FRK: variants seen among roughly 807,000 people sequenced by gnomAD.
FRK encodes the protein fyn related Src family tyrosine kinase.
FRK carries 51 observed loss-of-function variants against 56.4 expected under a neutral mutation model. The ratio of observed to expected loss-of-function variants is 0.90; its 90% CI spans 0.72 to 1.14. The LOEUF is 1.14. Among genes scored for constraint, FRK ranks in the 50% most tolerant of loss-of-function variants. FRK has a pLI of 0.00. For synonymous variants in FRK, 245 were observed against 217.9 expected, an observed-to-expected ratio of 1.12 and a Z score of -1.10; for missense variants, 570 against 601.4, an observed-to-expected ratio of 0.95 and a Z score of 0.55.
rs1013441079 is a variant in FRK at position 115,933,945 on chromosome 6, T to A, written c.*8469A>T. Reference sequence around the variant, plus strand: ...TAATCTTTAGCTTCACATGACCCATTTAATTTCAAGGTCATCAGGAAAGTT... The same window carrying A: ...TAATCTTTAGCTTCACATGACCCATATAATTTCAAGGTCATCAGGAAAGTT... On this transcript the variant is annotated 3_prime_UTR_variant, in exon 8 of 8. Coordinates refer to ENST00000606080, the MANE Select transcript of FRK (RefSeq NM_002031.3). 6.6e-6 allele frequency: 1 copy of A among 152,104 alleles called. No homozygotes were observed. The highest frequency in any genetic ancestry group is 2.4e-5 in the African/African-American group (1 of 41,412). 9.4% of individuals were successfully genotyped at this position (152,104 alleles called of 1,614,324 possible).
chr6:116,082,342 A>G, the FRK span, among the ~76,000 whole-genome samples: 1 of 152,212 alleles, frequency 6.6e-6, no homozygotes, highest in African/African-American at 2.4e-5. Context: ...AATCTATTTT[A>G]TGCTTAAAGA....
intron 1 of FRK, among the ~76,000 whole-genome samples, chr6:116,053,194 T>C (rs1777242914): frequency 6.6e-6 from 1 of 152,136 alleles, no homozygotes; most frequent in African/African-American, 2.4e-5. Context: ...TCAGTAAAAC[T>C]CCATACACTA....
rs1777582382 is a variant in FRK at position 116,060,343 on chromosome 6, T to A, written c.-32A>T. The A allele has an allele frequency of 6.5e-7, 1 of 1,544,892 alleles. No homozygotes were observed. Among genetic ancestry groups the A allele is most frequent in the Non-Finnish European group, 8.9e-7 (1 of 1,126,436 alleles). On this transcript the variant is annotated 5_prime_UTR_variant, in exon 1 of 8. The change creates a new upstream start codon in the 5' untranslated region. Transcript: ENST00000606080. The stretch of plus-strand genomic sequence containing the variant: ...TTGGTGGGGAGAAGAGGAGCAGGGC[T>A]TCTCCCTCTCCCCTTAGTCTCTGCG...
At position 115,994,329 on chromosome 6, in the gene FRK, C is replaced by G. The variant is rs960115859; in HGVS notation, c.466+9548G>C. Among the ~76,000 whole-genome samples the G allele has an allele frequency of 2.7e-4, 28 of 105,304 alleles. 2 individuals carry two copies. Among genetic ancestry groups the G allele is most frequent in the African/African-American group, 5.8e-4 (18 of 31,146 alleles). 69.1% of individuals were successfully genotyped at this position (105,304 alleles called of 152,430 possible). A position where few individuals can be genotyped will look rare whatever the true frequency, so the allele number is the denominator to read the frequency against. The stretch of plus-strand genomic sequence containing the variant: ...GTATCCAGAATCTCACAACCTCCCC[C>G]CCCCCCGCCTTTTTTTTGTCATTAT... On this transcript the variant is annotated intron_variant, in intron 2 of 7. Coordinates refer to ENST00000606080, the MANE Select transcript of FRK (RefSeq NM_002031.3).
rs1774855666 is a variant in FRK, at chr6:115,996,739, G to A, written c.466+7138C>T. 2.0e-5 allele frequency among the ~76,000 whole-genome samples: 3 copies of A among 152,096 alleles called. No homozygotes were observed. The South Asian group carries it at 6.2e-4, about 32-fold the overall frequency. ...TGTAAACTATGAAGATAGAGAAGAA[G>A]CATGAAATAGAAGCAATAAAAACAT... On this transcript the variant is annotated intron_variant, in intron 2 of 7. Coordinates refer to ENST00000606080, the MANE Select transcript of FRK (RefSeq NM_002031.3).
chr6:116,088,569 T>C, the FRK span, among the ~76,000 whole-genome samples: 2 of 152,268 alleles, frequency 1.3e-5, no homozygotes, highest in African/African-American at 4.8e-5. Context: ...GAGTATGTGA[T>C]ATGTACTATG....
At chr6:116,015,802 A>T (rs979002762) in intron 1 of FRK, among the ~76,000 whole-genome samples, 1 of 152,216 alleles carries the variant, frequency 6.6e-6, no homozygotes, top group Non-Finnish European at 1.5e-5. Context: ...TGTGAACTTG[A>T]CAGAGATGAT....
rs1038404150 is a variant in FRK at position 115,943,267 on chromosome 6, C to T, written c.1141-82G>A. The T allele has an allele frequency of 2.9e-5, 28 of 973,444 alleles. No homozygotes were observed. In the Admixed American group the frequency reaches 5.7e-4, roughly 20 times the overall value. 60.3% of individuals were successfully genotyped at this position (973,444 alleles called of 1,614,324 possible). A position where few individuals can be genotyped will look rare whatever the true frequency, so the allele number is the denominator to read the frequency against. ...CCTCATTCATCTATAATCTGCTTCACTTCAAAATTTAGAGAGAAAAGATTC... is the reference window on the plus strand; with the variant it reads ...CCTCATTCATCTATAATCTGCTTCATTTCAAAATTTAGAGAGAAAAGATTC... On this transcript the variant is annotated intron_variant, in intron 6 of 7. Coordinates refer to ENST00000606080, the MANE Select transcript of FRK (RefSeq NM_002031.3).
chr6:115,994,321 A>ACCAC (rs1422664378), intron 2 of FRK, among the ~76,000 whole-genome samples: 1 of 47,772 alleles, frequency 2.1e-5, no homozygotes, highest in African/African-American at 5.2e-5. Flanking sequence ...GAATCTCACA[A>ACCAC]CCTCCCCCCC....
chr6:116,004,148 TGAG>T lies in FRK; in HGVS notation c.345-153_345-151del. ...GGTATAAATGGTAGCTTCTGACACT[TGAG>T]ATGATTTTTCAGAATGCCTGTAACC... On this transcript the variant is annotated intron_variant, in intron 1 of 7. Transcript: ENST00000606080. The T allele has an allele frequency of 2.9e-5, 20 of 681,166 alleles. No individual in the cohort carries two copies. In the South Asian group the frequency reaches 4.1e-4, roughly 14 times the overall value. 42.2% of individuals were successfully genotyped at this position (681,166 alleles called of 1,614,324 possible).
intron 1 of FRK, among the ~76,000 whole-genome samples, chr6:116,024,615 A>AGGG (rs1776016359): frequency 6.6e-6 from 1 of 151,868 alleles, no homozygotes; most frequent in Non-Finnish European, 1.5e-5. Flanking sequence ...TTATGGCTGC[A>AGGG]TAGTATTCCA....
intron 2 of FRK, among the ~76,000 whole-genome samples, chr6:115,995,103 C>A (rs181511531): frequency 6.6e-6 from 1 of 152,272 alleles, no homozygotes; most frequent in East Asian, 1.9e-4. Flanking sequence ...AGCCACTTAA[C>A]AACATCTCAA....
At chr6:116,090,709 T>A in the FRK span, among the ~76,000 whole-genome samples, 1 of 152,148 alleles carries the variant, frequency 6.6e-6, no homozygotes, top group Non-Finnish European at 1.5e-5. Context: ...GACCTCTCAA[T>A]AGTATGTTAG....
Position 115,958,788 on chromosome 6 carries a change from GAAAGAAAGAA to G in FRK, c.800-2188_800-2179del, listed in dbSNP as rs200463791. ...GAAAGAGGGGGGGGAAGGAGAGAGA[GAAAGAAAGAA>G]AAAGAAAGAAAGAAAGAAAGAAAAA... On this transcript the variant is annotated intron_variant, in intron 4 of 7. Coordinates refer to ENST00000606080, the MANE Select transcript of FRK (RefSeq NM_002031.3). Among the ~76,000 whole-genome samples the G allele has an allele frequency of 1.1e-4, 10 of 87,548 alleles. No homozygotes were observed. The South Asian group carries it at 5.0e-3, about 44-fold the overall frequency. The allele number at this position is 87,548 out of a possible 152,430, so 57.4% of individuals were successfully genotyped here.
the FRK span, among the ~76,000 whole-genome samples, chr6:116,082,954 G>C: frequency 5.9e-5 from 9 of 152,234 alleles, no homozygotes; most frequent in Non-Finnish European, 1.5e-5. Flanking sequence ...ACATCAAGAA[G>C]ACAAGGAACC....
chr6:116,046,291 A>G (rs1776956286), intron 1 of FRK, among the ~76,000 whole-genome samples: 1 of 152,218 alleles, frequency 6.6e-6, no homozygotes, highest in South Asian at 2.1e-4. Flanking sequence ...GTATATCCCC[A>G]AAGGATTATA....
At chr6:116,029,407 C>T (rs766745208) in intron 1 of FRK, among the ~76,000 whole-genome samples, 12 of 152,106 alleles carry the variant, frequency 7.9e-5, no homozygotes, top group African/African-American at 1.7e-4. Flanking sequence ...GGATTAAGTG[C>T]TATGAGAGAT....
chr6:116,079,914 T>A, the FRK span, among the ~76,000 whole-genome samples: 3 of 152,142 alleles, frequency 2.0e-5, no homozygotes, highest in Admixed American at 2.0e-4. Flanking sequence ...GAAAATAGTA[T>A]CTTATGTTAC....
At chr6:116,069,008 G>A in the FRK span, among the ~76,000 whole-genome samples, 7 of 152,126 alleles carry the variant, frequency 4.6e-5, no homozygotes, top group African/African-American at 1.7e-4. Flanking sequence ...TCTTGTATAT[G>A]CAATCTCCCA....
Sources: gnomAD v4.1 joint callset for allele counts (sites outside exome capture counted in the v4.1 genomes callset) on GRCh38, gnomAD v4.1.1 for gene constraint, MANE v1.5 for transcripts, NCBI Gene and HGNC (gene_info 2026-07-23, HGNC 2026-07-21) for gene names.